Variants in SLCO1C1 observed in about 807,000 individuals in gnomAD.
SLCO1C1 encodes the protein solute carrier organic anion transporter family member 1C1, also known as OAT-RP-5.
In SLCO1C1, 70 loss-of-function variants were observed where a neutral mutation model predicts 76.4. The ratio of observed to expected loss-of-function variants is 0.92; its 90% CI spans 0.76 to 1.12. SLCO1C1 has a LOEUF of 1.12. Among genes scored for constraint, SLCO1C1 ranks in the 50% most tolerant of loss-of-function variants. SLCO1C1 has a pLI of 0.00. For missense variants in SLCO1C1, 912 were observed against 823.8 expected (o/e 1.11, Z -1.31); for synonymous variants, 306 against 286.1 (o/e 1.07, Z -0.70).
intron 4 of SLCO1C1, among the ~76,000 whole-genome samples, chr12:20,710,195 CTTTTCTTTTTTT>C (rs1947007359): frequency 2.4e-5 from 3 of 125,176 alleles, no homozygotes; most frequent in Admixed American, 2.3e-4. Context: ...CAGTTCTCTA[CTTTTCTTTTTTT>C]TTTTTTTTTT....
At chr12:20,733,193 T>G in intron 10 of SLCO1C1, 89 bp downstream of exon 10, 3 of 1,229,578 alleles carry the variant, frequency 2.4e-6, no homozygotes, top group Non-Finnish European at 3.3e-6. Flanking sequence ...ATTTGATTTT[T>G]AAACATCATA....
chr12:20,746,318 AC>A (rs1949041270), intron 13 of SLCO1C1, among the ~76,000 whole-genome samples: 1 of 151,808 alleles, frequency 6.6e-6, no homozygotes, highest in Admixed American at 6.6e-5. Context: ...GAATATCAGG[AC>A]ATCAAGTCAT....
chr12:20,732,485 C>T (rs1251588341), intron 9 of SLCO1C1, among the ~76,000 whole-genome samples: 2 of 152,096 alleles, frequency 1.3e-5, no homozygotes, highest in South Asian at 2.1e-4. Context: ...GCTGGATCAA[C>T]AAAAACAAAT....
chr12:20,744,511 A>C (rs1162750109), intron 13 of SLCO1C1, among the ~76,000 whole-genome samples: 1 of 152,150 alleles, frequency 6.6e-6, no homozygotes, highest in Non-Finnish European at 1.5e-5. Flanking sequence ...AAAAATGAGC[A>C]AAAGATGTGA....
intron 1 of SLCO1C1, among the ~76,000 whole-genome samples, chr12:20,698,740 C>T (rs1946381575): frequency 2.0e-5 from 3 of 152,040 alleles, no homozygotes; most frequent in South Asian, 4.1e-4. Flanking sequence ...TTGAGAAATA[C>T]TTTGTTTGTT....
chr12:20,723,127 A>T lies in SLCO1C1; in HGVS notation c.1059A>T (p.Pro353=), dbSNP rs776679238. Residue 353 remains proline, a synonymous_variant, in exon 9 of 15, where the codon CCA becomes CCT. Transcript: ENST00000266509. The stretch of plus-strand genomic sequence containing the variant: ...CACTGAAGAATCTTTTTGGAAACCC[A>T]GTATACTTCCTATATTTATGTACAA... ...LPSLKNLFGN[P]VYFLYLCTST... 1.9e-6 allele frequency: 3 copies of T among 1,610,014 alleles called. No homozygotes were observed. The highest frequency in any genetic ancestry group is 1.7e-4 in the Middle Eastern group (1 of 6,048).
chr12:20,740,889 G>A (rs1244028195), intron 12 of SLCO1C1, among the ~76,000 whole-genome samples: 1 of 145,448 alleles, frequency 6.9e-6, no homozygotes, highest in Non-Finnish European at 1.5e-5. Flanking sequence ...GGTAAATTGA[G>A]GCTCCTAATC....
rs748489307 is a variant in SLCO1C1, at chr12:20,706,069, T to C, written c.392T>C (p.Phe131Ser). Residue 131 changes from phenylalanine (F) to serine (S), a missense_variant, in exon 4 of 15, where the codon TTC becomes TCC. Transcript: ENST00000266509. ...ACACTGCTCATTGCAATGCCTCAGT[T>C]CTTCATGGAGCAGTAAGTCTAAAGC... The part of the protein sequence containing the change: ...VGTLLIAMPQ[F>S]FMEQYKYERY... 2 of 1,612,382 alleles carry C rather than the reference T, an allele frequency of 1.2e-6. No homozygotes were observed. The highest frequency in any genetic ancestry group is 3.3e-5 in the Admixed American group (2 of 59,856).
At chr12:20,737,360 TAGTAGGAGG>T in intron 11 of SLCO1C1, 88 bp downstream of exon 11, 2 of 1,348,572 alleles carry the variant, frequency 1.5e-6, no homozygotes, top group African/African-American at 3.1e-5. Context: ...AGACCACTAC[TAGTAGGAGG>T]CTTGCCTCTT....
At chr12:20,737,330 A>C (rs1272087015) in intron 11 of SLCO1C1, 58 bp downstream of exon 11, 1 of 1,491,742 alleles carries the variant, frequency 6.7e-7, no homozygotes, top group Non-Finnish European at 8.9e-7. Context: ...AAACAACAAA[A>C]CTCTATGGGG....
intron 13 of SLCO1C1, 65 bp downstream of exon 13, chr12:20,743,434 A>G (rs1948909716): frequency 3.8e-6 from 5 of 1,326,006 alleles, no homozygotes; most frequent in Middle Eastern, 2.0e-4. Flanking sequence ...ACTTTTCTAA[A>G]TATTTTTACA....
intron 3 of SLCO1C1, 77 bp from the exon 4 acceptor site, chr12:20,705,872 G>A: frequency 7.0e-7 from 1 of 1,436,572 alleles, no homozygotes; most frequent in Admixed American, 1.8e-5. Context: ...TTGGTCTGCT[G>A]TATACATTCA....
chr12:20,739,132 A>T (rs1948683617), intron 11 of SLCO1C1, among the ~76,000 whole-genome samples: 1 of 152,206 alleles, frequency 6.6e-6, no homozygotes, highest in South Asian at 2.1e-4. Context: ...TTTTTCTCAT[A>T]GCCACTGTAA....
chr12:20,698,803 C>T (rs1946384408), intron 1 of SLCO1C1, among the ~76,000 whole-genome samples: 1 of 151,888 alleles, frequency 6.6e-6, no homozygotes, highest in African/African-American at 2.4e-5. Flanking sequence ...CATGTGGAAT[C>T]CTAAAGAAGT....
Position 20,750,804 on chromosome 12 carries a change from A to G in SLCO1C1, c.1916+12A>G, listed in dbSNP as rs749857788. On this transcript the variant is annotated intron_variant, in intron 14 of 14. Coordinates refer to ENST00000266509, the MANE Select transcript of SLCO1C1 (RefSeq NM_017435.5). ...TCAAATGTCTTCAGGTACCAAATCA[A>G]AAGCATTCCCGCATCTCATTGCTAC... 1.2e-6 allele frequency: 2 copies of G among 1,613,992 alleles called. No homozygotes were observed. Among genetic ancestry groups the G allele is most frequent in the Non-Finnish European group, 1.7e-6 (2 of 1,179,904 alleles).
At chr12:20,713,314 C>T (rs1020913143) in intron 5 of SLCO1C1, among the ~76,000 whole-genome samples, 2 of 152,062 alleles carry the variant, frequency 1.3e-5, no homozygotes, top group South Asian at 2.1e-4. Flanking sequence ...CTCCTGACCT[C>T]GTGATCCGCC....
At chr12:20,705,267 A>G (rs1946717925) in intron 3 of SLCO1C1, among the ~76,000 whole-genome samples, 1 of 152,008 alleles carries the variant, frequency 6.6e-6, no homozygotes. Flanking sequence ...TTCACAAAAG[A>G]GATAAATGGG....
intron 1 of SLCO1C1, among the ~76,000 whole-genome samples, chr12:20,696,102 G>T (rs1271568909): frequency 6.6e-6 from 1 of 152,128 alleles, no homozygotes; most frequent in Non-Finnish European, 1.5e-5. Context: ...TATTACGTTT[G>T]TTGGGTTGTT....
intron 7 of SLCO1C1, among the ~76,000 whole-genome samples, chr12:20,718,182 C>T (rs1011339553): frequency 1.3e-5 from 2 of 152,168 alleles, no homozygotes; most frequent in Non-Finnish European, 1.5e-5. Flanking sequence ...AGTATAGATG[C>T]GATGAGCAGT....
Sources: allele counts gnomAD v4.1 joint callset (sites outside exome capture counted in the v4.1 genomes callset), GRCh38; gene constraint gnomAD v4.1.1; transcripts MANE v1.5; gene names NCBI Gene and HGNC (gene_info 2026-07-23, HGNC 2026-07-21).